The following SPIDR variants were observed in gnomAD, a reference collection of about 807,000 sequenced individuals.
SPIDR encodes the protein scaffold protein involved in DNA repair.
In SPIDR, 93 loss-of-function variants were observed where a neutral mutation model predicts 104.6. That is an observed-to-expected ratio of 0.89 (90% CI 0.75 to 1.06). The LOEUF (loss-of-function observed/expected upper bound fraction) is 1.06, where lower values mean the gene tolerates loss of function less well. Ranked by LOEUF, SPIDR falls within the 50% of genes least tolerant of loss-of-function variation. The probability of loss-of-function intolerance (pLI) is 0.00; values close to 1 mark genes in which losing one functional copy is unlikely to be tolerated. For synonymous variants in SPIDR, 431 were observed against 416.9 expected (o/e 1.03, Z -0.41); for missense variants, 1,154 against 1,111.2 (o/e 1.04, Z -0.55).
At chr8:47,637,438 C>T (rs2068113870) in intron 10 of SPIDR, among the ~76,000 whole-genome samples, 1 of 152,100 alleles carries the variant, frequency 6.6e-6, no homozygotes, top group Non-Finnish European at 1.5e-5. Flanking sequence ...GGCATGGTGG[C>T]ACGCACCTGC....
chr8:47,305,627 T>G (rs1396277972), intron 5 of SPIDR, among the ~76,000 whole-genome samples: 1 of 152,202 alleles, frequency 6.6e-6, no homozygotes, highest in Non-Finnish European at 1.5e-5. Context: ...ATTTCTAAAT[T>G]TAATGTGCAT....
chr8:47,537,974 C>G (rs1280872892), intron 8 of SPIDR, among the ~76,000 whole-genome samples: 1 of 151,810 alleles, frequency 6.6e-6, no homozygotes, highest in Admixed American at 6.6e-5. Context: ...GTCAGGAGTT[C>G]GAGACCAGCC....
At chr8:47,602,961 T>G (rs4608108) in intron 10 of SPIDR, among the ~76,000 whole-genome samples, 68,354 of 152,074 alleles carry the variant, frequency 0.45, 18,877 homozygotes, top group East Asian at 0.66. Flanking sequence ...TCTCAAGGTG[T>G]TGTAGGTCAG....
intron 10 of SPIDR, among the ~76,000 whole-genome samples, chr8:47,658,674 C>G (rs1447752254): frequency 6.6e-6 from 1 of 151,936 alleles, no homozygotes; most frequent in Non-Finnish European, 1.5e-5. Flanking sequence ...GTGGCTCACG[C>G]CTGTAATCCC....
chr8:47,661,751 T>C (rs1431862058), intron 10 of SPIDR, among the ~76,000 whole-genome samples: 1 of 152,198 alleles, frequency 6.6e-6, no homozygotes, highest in Non-Finnish European at 1.5e-5. Context: ...TACACAAAGA[T>C]TTAACGTTCC....
chr8:47,593,287 C>G (rs767547267), intron 8 of SPIDR, among the ~76,000 whole-genome samples: 25 of 151,786 alleles, frequency 1.6e-4, no homozygotes, highest in Non-Finnish European at 1.0e-4. Flanking sequence ...TTCTCTTTCT[C>G]CTCCTTTCTG....
chr8:47,735,268 G>A (rs995279973), intron 19 of SPIDR, 39 bp from the exon 20 acceptor site: 1 of 1,597,728 alleles, frequency 6.3e-7, no homozygotes, highest in Non-Finnish European at 8.6e-7. Flanking sequence ...GTACGTCCCA[G>A]GCTGTTTGCT....
chr8:47,518,197 G>C (rs1456433028), intron 8 of SPIDR, among the ~76,000 whole-genome samples: 3 of 152,206 alleles, frequency 2.0e-5, no homozygotes, highest in Non-Finnish European at 2.9e-5. Context: ...CACTTTGTTA[G>C]TTCCACTTTC....
chr8:47,659,746 C>T (rs2073753909), intron 10 of SPIDR: 2 of 983,804 alleles, frequency 2.0e-6, no homozygotes, highest in Non-Finnish European at 2.4e-6. Flanking sequence ...CTTCTTATCA[C>T]TTCATCCTCT....
chr8:47,410,124 A>G (rs1188667363), intron 7 of SPIDR, among the ~76,000 whole-genome samples: 2 of 152,084 alleles, frequency 1.3e-5, no homozygotes, highest in Non-Finnish European at 1.5e-5. Context: ...ATACATATAT[A>G]TGTATCAGGA....
At chr8:47,266,106 G>A (rs1263847669) in intron 1 of SPIDR, among the ~76,000 whole-genome samples, 1 of 149,094 alleles carries the variant, frequency 6.7e-6, no homozygotes, top group East Asian at 2.0e-4. Context: ...CGAAGTTGTT[G>A]TGCATATCAG....
At chr8:47,474,149 C>T (rs1554722510) in intron 8 of SPIDR, among the ~76,000 whole-genome samples, 1 of 151,966 alleles carries the variant, frequency 6.6e-6, no homozygotes, top group African/African-American at 2.4e-5. Context: ...AAAAACTGAC[C>T]AAAAGGAAAA....
chr8:47,665,378 ACTAATTGTTTT>A (rs1401710786), intron 10 of SPIDR, among the ~76,000 whole-genome samples: 2 of 152,194 alleles, frequency 1.3e-5, no homozygotes, highest in Non-Finnish European at 2.9e-5. Flanking sequence ...AGGATTGAAC[ACTAATTGTTTT>A]ATCTTAGCTC....
intron 8 of SPIDR, among the ~76,000 whole-genome samples, chr8:47,566,595 A>T (rs540097086): frequency 2.5e-4 from 38 of 151,446 alleles, no homozygotes; most frequent in Admixed American, 2.2e-3. Flanking sequence ...TTACTTTTTT[A>T]TTTTTTTTAT....
chr8:47,510,243 T>C (rs571990457), intron 8 of SPIDR, among the ~76,000 whole-genome samples: 1 of 152,326 alleles, frequency 6.6e-6, no homozygotes, highest in African/African-American at 2.4e-5. Flanking sequence ...TGGCAAAATG[T>C]CTGTGTCAAC....
intron 5 of SPIDR, among the ~76,000 whole-genome samples, chr8:47,375,214 T>A (rs1008056914): frequency 6.7e-6 from 1 of 149,540 alleles, no homozygotes; most frequent in Non-Finnish European, 1.5e-5. Flanking sequence ...GGGAATAGAT[T>A]GAGTTAAGAG....
At chr8:47,318,770 AGAG>A (rs1244997270) in intron 5 of SPIDR, among the ~76,000 whole-genome samples, 1 of 140,290 alleles carries the variant, frequency 7.1e-6, no homozygotes, top group African/African-American at 2.6e-5. Flanking sequence ...ACAAGCCAGA[AGAG>A]AGTGGGGGCC....
Position 47,576,596 on chromosome 8 carries a change from G to A in SPIDR, c.1098-19215G>A, listed in dbSNP as rs376410652. Among the ~76,000 whole-genome samples the A allele has an allele frequency of 5.9e-5, 9 of 151,842 alleles. No individual in the cohort carries two copies. The East Asian group carries it at 1.8e-3, about 30-fold the overall frequency. ...TTACAGGTGTGGGCCAGGACACCTG[G>A]CTAATTTGTATATTTTTAGTACAGA... On this transcript the variant is annotated intron_variant, in intron 8 of 19. Transcript: ENST00000297423.
Position 47,458,742 on chromosome 8 carries a change from T to C in SPIDR, c.1097+18200T>C, listed in dbSNP as rs781950996. On this transcript the variant is annotated intron_variant, in intron 8 of 19. Coordinates refer to ENST00000297423, the MANE Select transcript of SPIDR (RefSeq NM_001080394.4). ...GTTCTCTGAGGGAATGCTTTCAACT[T>C]TTCCCCATTCAGTATTATGTTGGCT... is the stretch of plus-strand genomic sequence containing the variant. Among the ~76,000 whole-genome samples, 90 of 152,150 alleles carry C rather than the reference T, an allele frequency of 5.9e-4. 3 individuals carry two copies. The highest frequency in any genetic ancestry group is 3.3e-4 in the Admixed American group (5 of 15,244).
Sources: allele counts gnomAD v4.1 joint callset (sites outside exome capture counted in the v4.1 genomes callset), GRCh38; gene constraint gnomAD v4.1.1; transcripts MANE v1.5; gene names NCBI Gene and HGNC (gene_info 2026-07-23, HGNC 2026-07-21).